The following CTNNA2 variants were observed in gnomAD, a reference collection of about 807,000 sequenced individuals.
CTNNA2 encodes catenin alpha-2.
A neutral mutation model predicts 101.0 loss-of-function variants in CTNNA2; 42 were observed. The ratio of observed to expected loss-of-function variants is 0.42; its 90% CI spans 0.32 to 0.54. The LOEUF is 0.54. Among genes scored for constraint, CTNNA2 ranks in the 20% least tolerant of loss-of-function variants. The pLI, the probability that CTNNA2 is intolerant of heterozygous loss-of-function variation, is 0.14. For synonymous variants in CTNNA2, 450 were observed against 456.4 expected, an observed-to-expected ratio of 0.99 and a Z score of 0.18; for missense variants, 871 against 1,223.1, an observed-to-expected ratio of 0.71 and a Z score of 4.29.
Position 80,648,154 on chromosome 2 carries a change from G to A in CTNNA2, c.*282G>A, listed in dbSNP as rs1221902522. On this transcript the variant is annotated 3_prime_UTR_variant, in exon 19 of 19. Coordinates refer to ENST00000402739, the MANE Select transcript of CTNNA2 (RefSeq NM_001282597.3). ...GAGTTCGCATTGGCGCAATATTTATGGGAGTGGGAGGGATGGGGAAAATAA... is the reference window on the plus strand; with the variant it reads ...GAGTTCGCATTGGCGCAATATTTATAGGAGTGGGAGGGATGGGGAAAATAA... 1.7e-5 allele frequency: 4 copies of A among 234,838 alleles called. No homozygotes were observed. The highest frequency in any genetic ancestry group is 3.3e-5 in the Non-Finnish European group (4 of 120,894). The allele number at this position is 234,838 out of a possible 1,614,324, so 14.5% of individuals were successfully genotyped here. A position where few individuals can be genotyped will look rare whatever the true frequency, so the allele number is the denominator to read the frequency against.
intron 2 of CTNNA2, among the ~76,000 whole-genome samples, chr2:79,280,623 C>CTGGGTGTG (rs1675339460): frequency 7.7e-6 from 1 of 129,094 alleles, no homozygotes; most frequent in Non-Finnish European, 1.6e-5. Context: ...ATCCTGTATG[C>CTGGGTGTG]TGTGTGTGTG....
chr2:80,353,169 C>CACTTAG (rs1673472164), intron 7 of CTNNA2, among the ~76,000 whole-genome samples: 1 of 152,016 alleles, frequency 6.6e-6, no homozygotes, highest in African/African-American at 2.4e-5. Flanking sequence ...ATTTCCCCTC[C>CACTTAG]ATTTAGATTT....
intron 7 of CTNNA2, among the ~76,000 whole-genome samples, chr2:80,033,391 G>T (rs983265661): frequency 6.6e-6 from 1 of 151,836 alleles, no homozygotes; most frequent in African/African-American, 2.4e-5. Flanking sequence ...TGGGCAACAT[G>T]GTGGACTCTG....
At chr2:80,105,642 A>C (rs1363110046) in intron 7 of CTNNA2, among the ~76,000 whole-genome samples, 3 of 152,002 alleles carry the variant, frequency 2.0e-5, no homozygotes, top group Non-Finnish European at 4.4e-5. Context: ...GAGGCTGAGG[A>C]TCTCTTGAGC....
rs115535813 is a variant in CTNNA2 at position 80,415,079 on chromosome 2, C to T, written c.1138-4370C>T. 2.6e-3 allele frequency among the ~76,000 whole-genome samples: 402 copies of T among 152,222 alleles called. 4 individuals carry two copies. Among genetic ancestry groups the T allele is most frequent in the African/African-American group, 8.8e-3 (367 of 41,530 alleles). On this transcript the variant is annotated intron_variant, in intron 8 of 18. Transcript: ENST00000402739. ...AGGTTAAATTAGGGCAGGCCAACTA[C>T]GTAGCTAATAAACTTCAAAATGTAC...
intron 2 of CTNNA2, among the ~76,000 whole-genome samples, chr2:79,251,856 G>A (rs941993268): frequency 1.3e-5 from 2 of 152,166 alleles, no homozygotes; most frequent in African/African-American, 4.8e-5. Flanking sequence ...AAAATTTGTT[G>A]TTTGAGACTA....
intron 7 of CTNNA2, among the ~76,000 whole-genome samples, chr2:80,027,677 G>T (rs1202101176): frequency 6.6e-6 from 1 of 152,050 alleles, no homozygotes; most frequent in Non-Finnish European, 1.5e-5. Flanking sequence ...TCATTGTGGG[G>T]CGGGGAATGC....
intron 7 of CTNNA2, among the ~76,000 whole-genome samples, chr2:80,332,020 C>G (rs754338539): frequency 1.3e-5 from 2 of 152,104 alleles, no homozygotes; most frequent in Non-Finnish European, 2.9e-5. Flanking sequence ...TTCTGTTGGA[C>G]AGGAGTCCTC....
chr2:79,376,399 A>G (rs998744850), intron 4 of CTNNA2, among the ~76,000 whole-genome samples: 6 of 150,852 alleles, frequency 4.0e-5, no homozygotes, highest in African/African-American at 1.5e-4. Context: ...GTATTACTGA[A>G]TAACTGAATT....
intron 7 of CTNNA2, among the ~76,000 whole-genome samples, chr2:79,943,174 G>A (rs1030177837): frequency 6.6e-5 from 10 of 152,114 alleles, no homozygotes; most frequent in Non-Finnish European, 5.9e-5. Context: ...CCGAAATCAC[G>A]CAATTGTATT....
At position 80,484,876 on chromosome 2, in the gene CTNNA2, G is replaced by T. The variant is rs556328209; in HGVS notation, c.1291-60106G>T. Among the ~76,000 whole-genome samples, 390 of 152,096 alleles carry T rather than the reference G, an allele frequency of 2.6e-3. 1 individual carries two copies. The highest frequency in any genetic ancestry group is 8.6e-3 in the African/African-American group (355 of 41,496). ...AAAAAATTAGCCGGGCAAGGTGGTG[G>T]GCACCTGTAGTCCCAGCTACTCGGG... On this transcript the variant is annotated intron_variant, in intron 9 of 18. Coordinates refer to ENST00000402739, the MANE Select transcript of CTNNA2 (RefSeq NM_001282597.3).
chr2:80,563,070 A>G (rs1391239079), intron 12 of CTNNA2, among the ~76,000 whole-genome samples: 6 of 150,882 alleles, frequency 4.0e-5, no homozygotes, highest in South Asian at 4.2e-4. Context: ...AAAGAAAGAC[A>G]TGAATCTCCA....
chr2:80,341,096 C>T (rs1234656178), intron 7 of CTNNA2, among the ~76,000 whole-genome samples: 1 of 152,066 alleles, frequency 6.6e-6, no homozygotes, highest in Non-Finnish European at 1.5e-5. Flanking sequence ...GTGCACCTCC[C>T]CCAGAATGTG....
intron 9 of CTNNA2, among the ~76,000 whole-genome samples, chr2:80,526,513 A>G (rs1469764295): frequency 4.6e-5 from 7 of 152,108 alleles, no homozygotes; most frequent in Non-Finnish European, 5.9e-5. Context: ...TTGTATTTTT[A>G]GTAGAGATGG....
intron 4 of CTNNA2, among the ~76,000 whole-genome samples, chr2:79,374,571 T>C (rs1325942250): frequency 6.6e-6 from 1 of 152,158 alleles, no homozygotes; most frequent in East Asian, 1.9e-4. Context: ...TTCTCTATTA[T>C]TCTGAGCAAT....
chr2:80,591,457 GTTTTTT>G (rs567131551), intron 15 of CTNNA2, among the ~76,000 whole-genome samples: 2,253 of 70,320 alleles, frequency 0.032, 134 homozygotes, highest in African/African-American at 0.095. Context: ...TGCACAGCCT[GTTTTTT>G]TTTTTTTTTT....
chr2:79,822,863 C>T (rs1398935767), intron 3 of CTNNA2, among the ~76,000 whole-genome samples: 1 of 152,148 alleles, frequency 6.6e-6, no homozygotes, highest in Non-Finnish European at 1.5e-5. Flanking sequence ...ATATGATCTG[C>T]CTGCTCTCCC....
intron 7 of CTNNA2, among the ~76,000 whole-genome samples, chr2:79,947,648 C>T (rs1327371700): frequency 6.6e-6 from 1 of 152,120 alleles, no homozygotes; most frequent in African/African-American, 2.4e-5. Flanking sequence ...TGCTACTTGT[C>T]ATGGTATTGT....
chr2:80,421,759 G>C (rs886912095), intron 9 of CTNNA2, among the ~76,000 whole-genome samples: 2 of 148,786 alleles, frequency 1.3e-5, no homozygotes, highest in Admixed American at 6.8e-5. Context: ...TCTGGCCTCT[G>C]TGTGACTAGG....
Sources: allele counts gnomAD v4.1 joint callset (sites outside exome capture counted in the v4.1 genomes callset), GRCh38; gene constraint gnomAD v4.1.1; transcripts MANE v1.5; gene names NCBI Gene and HGNC (gene_info 2026-07-23, HGNC 2026-07-21).